The following MORN5 variants were observed in gnomAD, a reference collection of about 807,000 sequenced individuals.
MORN5 encodes the protein MORN repeat containing 5.
MORN5 carries 21 observed loss-of-function variants against 22.1 expected under a neutral mutation model. The observed-to-expected ratio is 0.95, with a 90% CI of 0.67 to 1.37. The LOEUF (loss-of-function observed/expected upper bound fraction) is 1.37. Among genes scored for constraint, MORN5 ranks in the 40% most tolerant of loss-of-function variants. The pLI is 0.00. For synonymous variants in MORN5, 73 were observed against 74.0 expected (o/e 0.99, Z 0.07); for missense variants, 211 against 215.1 (o/e 0.98, Z 0.12).
chr9:122,186,841 C>T (rs1829647945), intron 4 of MORN5, among the ~76,000 whole-genome samples: 1 of 152,188 alleles, frequency 6.6e-6, no homozygotes, highest in Admixed American at 6.5e-5. Flanking sequence ...AGGCCGGAGC[C>T]TACTCTCTTT....
rs142773517 is a variant in MORN5, at chr9:122,197,371, C to T, written c.440-2514C>T. Among the ~76,000 whole-genome samples, 164 of 152,274 alleles carry T rather than the reference C, an allele frequency of 1.1e-3. No individual in the cohort carries two copies. Among genetic ancestry groups the T allele is most frequent in the African/African-American group, 3.7e-3 (154 of 41,560 alleles). On this transcript the variant is annotated intron_variant, in intron 4 of 4. Transcript: ENST00000373764. The surrounding 1 kb of genome is among the most constrained non-coding windows in gnomAD (Gnocchi z 5.7). ...AATCATATTAACATATTCCAACAATCGCAATTTGCAAAATAGTAATCACAA... is the reference window on the plus strand; with the variant it reads ...AATCATATTAACATATTCCAACAATTGCAATTTGCAAAATAGTAATCACAA...
chr9:122,163,004 A>G (rs2118734896), intron 1 of MORN5, among the ~76,000 whole-genome samples: 1 of 151,956 alleles, frequency 6.6e-6, no homozygotes, highest in South Asian at 2.1e-4. Context: ...TAAAAAAAAA[A>G]CCTTAAAAGA....
intron 1 of MORN5, among the ~76,000 whole-genome samples, chr9:122,165,936 G>A (rs1323207567): frequency 6.6e-6 from 1 of 152,126 alleles, no homozygotes; most frequent in Non-Finnish European, 1.5e-5. Flanking sequence ...GCTGCTGTAA[G>A]GACATAACCA....
rs181913242 is a variant in MORN5 at position 122,179,298 on chromosome 9, G to C, written c.439+4671G>C. On this transcript the variant is annotated intron_variant, in intron 4 of 4. Transcript: ENST00000373764. The stretch of plus-strand genomic sequence containing the variant: ...TATGGTTGTCTTTCACCCTAAGGCA[G>C]TGGGGAGCAAGGGAAGGCTTTAGGC... Among the ~76,000 whole-genome samples the C allele has an allele frequency of 2.0e-5, 3 of 152,358 alleles. No homozygotes were observed. In the East Asian group the frequency reaches 5.8e-4, roughly 29 times the overall value.
At chr9:122,199,020 G>T (rs1305383923) in intron 4 of MORN5, among the ~76,000 whole-genome samples, 1 of 151,514 alleles carries the variant, frequency 6.6e-6, no homozygotes, top group African/African-American at 2.4e-5. Flanking sequence ...GTGGAGGAGG[G>T]GCCCGGTATG....
Position 122,187,587 on chromosome 9 carries a change from C to CT in MORN5, c.440-12297dup, listed in dbSNP as rs1829664021. Among the ~76,000 whole-genome samples, 4 of 152,312 alleles carry CT rather than the reference C, an allele frequency of 2.6e-5. No homozygotes were observed. In the South Asian group the frequency reaches 8.3e-4, roughly 32 times the overall value. ...CAGTCACAGGACTGGGGTGGGTGTT[C>CT]TCTGGATAGAGGCCTGGGCCCTTTA... On this transcript the variant is annotated intron_variant, in intron 4 of 4. Coordinates refer to ENST00000373764, the MANE Select transcript of MORN5 (RefSeq NM_198469.4).
chr9:122,193,492 G>A (rs1829819280), intron 4 of MORN5, among the ~76,000 whole-genome samples: 2 of 152,366 alleles, frequency 1.3e-5, no homozygotes, highest in African/African-American at 4.8e-5. Context: ...GACTGAGGCA[G>A]GAGAATCGCT....
intron 4 of MORN5, 64 bp downstream of exon 4, chr9:122,174,691 A>T: frequency 6.2e-7 from 1 of 1,611,488 alleles, no homozygotes; most frequent in Non-Finnish European, 8.5e-7. Flanking sequence ...GTGCATCTGT[A>T]TGTACAAATG....
At chr9:122,177,778 CCA>C (rs2118761965) in intron 4 of MORN5, among the ~76,000 whole-genome samples, 1 of 152,316 alleles carries the variant, frequency 6.6e-6, no homozygotes, top group South Asian at 2.1e-4. Context: ...TGCTCAGCAT[CCA>C]CACACATTCT....
chr9:122,185,670 T>C (rs1829617843), intron 4 of MORN5, among the ~76,000 whole-genome samples: 1 of 152,106 alleles, frequency 6.6e-6, no homozygotes, highest in South Asian at 2.1e-4. Flanking sequence ...AATGAACAAG[T>C]GTTTCAGTGC....
At chr9:122,160,863 T>A (rs937511517) in intron 1 of MORN5, among the ~76,000 whole-genome samples, 1 of 152,188 alleles carries the variant, frequency 6.6e-6, no homozygotes, top group South Asian at 2.1e-4. Flanking sequence ...GTGATCCTCT[T>A]GCATGAGCCA....
chr9:122,187,625 G>A (rs530321008), intron 4 of MORN5, among the ~76,000 whole-genome samples: 1 of 152,198 alleles, frequency 6.6e-6, no homozygotes, highest in South Asian at 2.1e-4. Context: ...GAGCCTAAAT[G>A]TTCAAGAGAC....
Position 122,174,559 on chromosome 9 carries a change from G to A in MORN5, c.371G>A (p.Gly124Glu). ...ATCCCCAAGGGCTATTACGATTGTG[G>A]AGACGGCTTCTATAACCCAGTCACG... ...RKIPKGYYDC[G>E]DGFYNPVTRV... Residue 124 changes from glycine to glutamate, a missense_variant, in exon 4 of 5, where the codon GGA becomes GAA. Physicochemically the swap from Gly to Glu is moderately conservative, Grantham distance 98. Transcript: ENST00000373764. 6.2e-7 allele frequency: 1 copy of A among 1,614,054 alleles called. No individual in the cohort carries two copies. Among genetic ancestry groups the A allele is most frequent in the Non-Finnish European group, 8.5e-7 (1 of 1,180,012 alleles).
intron 4 of MORN5, among the ~76,000 whole-genome samples, chr9:122,185,095 A>G (rs1327866748): frequency 6.6e-6 from 1 of 151,948 alleles, no homozygotes; most frequent in Non-Finnish European, 1.5e-5. Flanking sequence ...TCGCTCTTTC[A>G]CTCAGGCTGG....
intron 2 of MORN5, among the ~76,000 whole-genome samples, chr9:122,167,173 G>A (rs1332267147): frequency 4.7e-5 from 7 of 149,856 alleles, no homozygotes; most frequent in African/African-American, 1.2e-4. Context: ...TCAGCCTCCC[G>A]AGTAGCTGGG....
intron 4 of MORN5, among the ~76,000 whole-genome samples, chr9:122,180,094 A>G (rs956716253): frequency 2.6e-5 from 4 of 152,204 alleles, no homozygotes; most frequent in Non-Finnish European, 5.9e-5. Context: ...CTATGTATCA[A>G]AATTCTTTGA....
intron 4 of MORN5, among the ~76,000 whole-genome samples, chr9:122,185,201 G>A (rs1394912987): frequency 2.6e-5 from 4 of 151,406 alleles, no homozygotes; most frequent in African/African-American, 4.9e-5. Flanking sequence ...GACTACAGGC[G>A]CCCACCACCA....
chr9:122,176,050 G>A (rs1261540533), intron 4 of MORN5, among the ~76,000 whole-genome samples: 1 of 151,246 alleles, frequency 6.6e-6, no homozygotes, highest in Non-Finnish European at 1.5e-5. Flanking sequence ...CCCGGGAGGC[G>A]GAGCTTGCAG....
intron 4 of MORN5, among the ~76,000 whole-genome samples, chr9:122,181,950 G>C (rs1829543267): frequency 6.6e-6 from 1 of 152,210 alleles, no homozygotes. Context: ...AAGTGAGTTA[G>C]AGCCTGGGAT....
Sources: gnomAD v4.1 joint callset for allele counts (sites outside exome capture counted in the v4.1 genomes callset) on GRCh38, gnomAD v4.1.1 for gene constraint, Gnocchi (gnomAD v3.1) non-coding constraint, MANE v1.5 for transcripts, NCBI Gene and HGNC (gene_info 2026-07-23, HGNC 2026-07-21) for gene names.